Variants in GABRG1 observed in about 807,000 individuals in gnomAD.
The protein encoded by GABRG1 is gamma-aminobutyric acid type A receptor subunit gamma1, also known as gamma-aminobutyric acid receptor subunit gamma-1.
Under a neutral mutation model 49.8 loss-of-function variants are expected in GABRG1, and 49 were observed. That is an observed-to-expected ratio of 0.98 (90% CI 0.78 to 1.25). The LOEUF is 1.25. GABRG1 is among the 50% of genes most tolerant of loss of function. The pLI is 0.00. For synonymous variants in GABRG1, 232 were observed against 185.1 expected (o/e 1.25, Z -2.06); for missense variants, 552 against 552.3 (o/e 1.00, Z 0.01).
intron 5 of GABRG1, among the ~76,000 whole-genome samples, chr4:46,059,477 G>A (rs543669002): frequency 1.7e-4 from 26 of 151,586 alleles, no homozygotes; most frequent in African/African-American, 4.6e-4. Context: ...AATGTCTGCC[G>A]CCCAGGTTCA....
At chr4:46,076,356 C>T (rs1719324410) in intron 3 of GABRG1, among the ~76,000 whole-genome samples, 2 of 89,714 alleles carry the variant, frequency 2.2e-5, no homozygotes, top group Non-Finnish European at 2.1e-5. Flanking sequence ...TATCTTAGGT[C>T]ATGTTCATAT....
At chr4:46,043,107 A>T (rs895468700) in intron 8 of GABRG1, among the ~76,000 whole-genome samples, 5 of 151,974 alleles carry the variant, frequency 3.3e-5, no homozygotes, top group Non-Finnish European at 5.9e-5. Flanking sequence ...AATTTTAAAA[A>T]ATTGTTAGGA....
intron 1 of GABRG1, among the ~76,000 whole-genome samples, chr4:46,113,699 G>C (rs1205805275): frequency 6.6e-6 from 1 of 151,006 alleles, no homozygotes; most frequent in Non-Finnish European, 1.5e-5. Flanking sequence ...TCCCTCCTGA[G>C]TGCCAACTCC....
At chr4:46,079,072 GTT>G (rs11354665) in intron 3 of GABRG1, among the ~76,000 whole-genome samples, 64 of 144,906 alleles carry the variant, frequency 4.4e-4, no homozygotes, top group African/African-American at 1.4e-3. Flanking sequence ...AAAAAGTTTT[GTT>G]TTTTTTTTTT....
intron 2 of GABRG1, among the ~76,000 whole-genome samples, chr4:46,094,357 G>A (rs1168003187): frequency 6.6e-6 from 1 of 151,944 alleles, no homozygotes; most frequent in Non-Finnish European, 1.5e-5. Flanking sequence ...TCTACTCTAA[G>A]GCAACAGTTT....
intron 1 of GABRG1, among the ~76,000 whole-genome samples, chr4:46,113,791 A>G (rs1720792309): frequency 6.6e-6 from 1 of 151,158 alleles, no homozygotes; most frequent in Non-Finnish European, 1.5e-5. Context: ...ACAGGGTTTC[A>G]ATGAATATTC....
intron 3 of GABRG1, among the ~76,000 whole-genome samples, chr4:46,070,615 T>C (rs1489735904): frequency 6.6e-6 from 1 of 151,972 alleles, no homozygotes; most frequent in Non-Finnish European, 1.5e-5. Context: ...GGTGGGCATA[T>C]AGATGCTGAC....
At chr4:46,049,403 G>A (rs1270535788) in intron 8 of GABRG1, among the ~76,000 whole-genome samples, 1 of 151,770 alleles carries the variant, frequency 6.6e-6, no homozygotes, top group Admixed American at 6.6e-5. Context: ...TATCATTTAG[G>A]ACTGAAAGAG....
rs149421370 is a variant in GABRG1 at position 46,064,843 on chromosome 4, A to G, written c.543-320T>C. On this transcript the variant is annotated intron_variant, in intron 4 of 8. Transcript: ENST00000295452. ...ATATGCAAACATAGCAGATTAACAGATTATAAATGGTTAAGTATGGTAATT... is the reference window on the plus strand; with the variant it reads ...ATATGCAAACATAGCAGATTAACAGGTTATAAATGGTTAAGTATGGTAATT... Among the ~76,000 whole-genome samples the G allele has an allele frequency of 7.7e-4, 117 of 152,292 alleles. 1 individual carries two copies. Among genetic ancestry groups the G allele is most frequent in the African/African-American group, 2.7e-3 (113 of 41,588 alleles).
chr4:46,106,353 C>A (rs938422629), intron 1 of GABRG1, among the ~76,000 whole-genome samples: 1 of 151,336 alleles, frequency 6.6e-6, no homozygotes, highest in African/African-American at 2.4e-5. Flanking sequence ...GGGGATACCC[C>A]ATAATTAGTC....
At chr4:46,077,163 G>C (rs559502680) in intron 3 of GABRG1, among the ~76,000 whole-genome samples, 1 of 147,934 alleles carries the variant, frequency 6.8e-6, no homozygotes, top group Non-Finnish European at 1.5e-5. Context: ...GGTAGGGGGA[G>C]GGGGGAGGGA....
chr4:46,094,853 G>A (rs1308176937), intron 2 of GABRG1, among the ~76,000 whole-genome samples: 1 of 151,654 alleles, frequency 6.6e-6, no homozygotes, highest in African/African-American at 2.4e-5. Flanking sequence ...AAAATTAAAA[G>A]GACAAAATAA....
At chr4:46,077,394 G>A (rs181828690) in intron 3 of GABRG1, among the ~76,000 whole-genome samples, 1 of 151,538 alleles carries the variant, frequency 6.6e-6, no homozygotes, top group East Asian at 1.9e-4. Flanking sequence ...TAAAGCATTG[G>A]GTAAAACTAT....
chr4:46,062,751 T>C (rs1241246104), intron 5 of GABRG1, among the ~76,000 whole-genome samples: 2 of 152,170 alleles, frequency 1.3e-5, no homozygotes, highest in African/African-American at 2.4e-5. Flanking sequence ...GACGACATCA[T>C]TGTATATCTA....
intron 3 of GABRG1, among the ~76,000 whole-genome samples, chr4:46,075,724 C>T (rs369015349): frequency 1.5e-4 from 23 of 151,952 alleles, no homozygotes; most frequent in African/African-American, 5.5e-4. Flanking sequence ...AAGAAAGGTC[C>T]TTGCTATATA....
At chr4:46,089,969 A>T (rs1719920405) in intron 2 of GABRG1, among the ~76,000 whole-genome samples, 1 of 152,114 alleles carries the variant, frequency 6.6e-6, no homozygotes, top group Admixed American at 6.6e-5. Flanking sequence ...GCCTCAAAAA[A>T]ATAAAAACAT....
intron 3 of GABRG1, among the ~76,000 whole-genome samples, chr4:46,075,232 T>A (rs2109416405): frequency 6.6e-6 from 1 of 152,140 alleles, no homozygotes; most frequent in South Asian, 2.1e-4. Flanking sequence ...AATTTATAGG[T>A]GAAAATGGCC....
intron 2 of GABRG1, among the ~76,000 whole-genome samples, chr4:46,088,470 G>A (rs949097594): frequency 6.6e-6 from 1 of 151,866 alleles, no homozygotes; most frequent in Admixed American, 6.6e-5. Flanking sequence ...ACAAAATGTT[G>A]TACACCATTT....
At chr4:46,049,282 G>A (rs9994408) in intron 8 of GABRG1, among the ~76,000 whole-genome samples, 76,672 of 151,554 alleles carry the variant, frequency 0.51, 19,974 homozygotes, top group African/African-American at 0.63. Context: ...AGAGTTGCCT[G>A]TTCCTCATAA....
Sources: gnomAD v4.1 joint callset for allele counts (sites outside exome capture counted in the v4.1 genomes callset) on GRCh38, gnomAD v4.1.1 for gene constraint, MANE v1.5 for transcripts, NCBI Gene and HGNC (gene_info 2026-07-23, HGNC 2026-07-21) for gene names.